RFTN1: variants seen among roughly 807,000 people sequenced by gnomAD.
RFTN1 encodes raftlin.
In RFTN1, 26 loss-of-function variants were observed where a neutral mutation model predicts 46.5. The observed-to-expected ratio is 0.56, with a 90% confidence interval of 0.41 to 0.78. RFTN1 has a LOEUF of 0.78. Ranked by LOEUF, RFTN1 falls within the 30% of genes least tolerant of loss-of-function variation. The probability of loss-of-function intolerance (pLI) is 0.00; values close to 1 mark genes in which losing one functional copy is unlikely to be tolerated. For missense variants in RFTN1, 693 were observed against 718.7 expected, an observed-to-expected ratio of 0.96 and a Z score of 0.41; for synonymous variants, 261 against 284.2, an observed-to-expected ratio of 0.92 and a Z score of 0.82.
Position 16,370,306 on chromosome 3 carries a change from GAGAGA to G in RFTN1, c.827-32_827-28del. On this transcript the variant is annotated intron_variant, in intron 5 of 9. Transcript: ENST00000334133. This position sits in a 1 kb window ranked among gnomAD's most constrained non-coding sequence, Gnocchi z 5.5. Reference sequence around the variant, plus strand: ...TGTTGGGATTTGTAAAGGGAGTGGAGAGAGAAGAGGTCAACTGATGATAAAAATCT... The same window carrying G: ...TGTTGGGATTTGTAAAGGGAGTGGAGAGAGGTCAACTGATGATAAAAATCT... 6.2e-7 allele frequency: 1 copy of G among 1,604,734 alleles called. No individual in the cohort carries two copies. Among genetic ancestry groups the G allele is most frequent in the Non-Finnish European group, 8.5e-7 (1 of 1,171,456 alleles).
At chr3:16,445,336 G>A (rs2075706058) in intron 2 of RFTN1, among the ~76,000 whole-genome samples, 1 of 152,016 alleles carries the variant, frequency 6.6e-6, no homozygotes, top group African/African-American at 2.4e-5. Context: ...GAGATATAGG[G>A]AGGCTTTCTT....
chr3:16,378,555 CA>C (rs1418103113), intron 4 of RFTN1, among the ~76,000 whole-genome samples: 9 of 152,164 alleles, frequency 5.9e-5, no homozygotes, highest in Non-Finnish European at 1.2e-4. Flanking sequence ...TAACCATATA[CA>C]AACAACAGAT....
At chr3:16,373,037 A>C (rs2073590757) in intron 5 of RFTN1, among the ~76,000 whole-genome samples, 1 of 152,204 alleles carries the variant, frequency 6.6e-6, no homozygotes, top group Non-Finnish European at 1.5e-5. Flanking sequence ...TTGATGTTTT[A>C]ATATTCTGAT....
At position 16,475,716 on chromosome 3, in the gene RFTN1, C is replaced by T. The variant is rs369899122; in HGVS notation, c.145+18009G>A. On this transcript the variant is annotated intron_variant, in intron 2 of 9. Transcript: ENST00000334133. This position sits in a 1 kb window ranked among gnomAD's most constrained non-coding sequence, Gnocchi z 4.2. ...GAGAGAATCACTGAGGATTGAGATC[C>T]CTAGGTTATTCCACCGGGTAATAAA... Among the ~76,000 whole-genome samples, 14 of 152,218 alleles carry T rather than the reference C, an allele frequency of 9.2e-5. No individual in the cohort carries two copies. Among genetic ancestry groups the T allele is most frequent in the African/African-American group, 3.1e-4 (13 of 41,534 alleles).
Position 16,353,246 on chromosome 3 carries a change from G to A in RFTN1, c.1146+4686C>T, listed in dbSNP as rs191330895. 3.3e-5 allele frequency among the ~76,000 whole-genome samples: 5 copies of A among 152,322 alleles called. No individual in the cohort carries two copies. The highest frequency in any genetic ancestry group is 7.2e-5 in the African/African-American group (3 of 41,576). On this transcript the variant is annotated intron_variant, in intron 7 of 9. Coordinates refer to ENST00000334133, the MANE Select transcript of RFTN1 (RefSeq NM_015150.2). This position sits in a 1 kb window ranked among gnomAD's most constrained non-coding sequence, Gnocchi z 5.4. The stretch of plus-strand genomic sequence containing the variant: ...GAAAAATCTTTCCCAGAGGCCAAAA[G>A]GGTGGGGAAAAGAAGTAGCTGGGTC...
intron 2 of RFTN1, among the ~76,000 whole-genome samples, chr3:16,487,277 G>A (rs2076462767): frequency 6.6e-6 from 1 of 152,160 alleles, no homozygotes; most frequent in East Asian, 1.9e-4. Context: ...AAATATCTGT[G>A]GAATCAATGA....
At chr3:16,396,832 G>A (rs2074479992) in intron 4 of RFTN1, among the ~76,000 whole-genome samples, 1 of 152,206 alleles carries the variant, frequency 6.6e-6, no homozygotes, top group Admixed American at 6.5e-5. Flanking sequence ...GGAAGCTGAG[G>A]TGGGCGGATC....
rs1437083166 is a variant in RFTN1, at chr3:16,499,475, G to A, written c.-8-5598C>T. 2.0e-5 allele frequency among the ~76,000 whole-genome samples: 3 copies of A among 152,238 alleles called. No homozygotes were observed. Among genetic ancestry groups the A allele is most frequent in the African/African-American group, 7.2e-5 (3 of 41,462 alleles). On this transcript the variant is annotated intron_variant, in intron 1 of 9. Transcript: ENST00000334133. This position sits in a 1 kb window ranked among gnomAD's most constrained non-coding sequence, Gnocchi z 4.9. The stretch of plus-strand genomic sequence containing the variant: ...CCATGTGGAGAGGAACCGACAGCCA[G>A]GACCAACTTGCTGGCCATCTTGCCA...
At chr3:16,401,285 C>A (rs916429344) in intron 4 of RFTN1, among the ~76,000 whole-genome samples, 2 of 150,210 alleles carry the variant, frequency 1.3e-5, no homozygotes, top group East Asian at 1.9e-4. Context: ...TATTGTGCCA[C>A]TGTACTCCAG....
At chr3:16,455,506 A>G (rs1201317924) in intron 2 of RFTN1, among the ~76,000 whole-genome samples, 2 of 152,116 alleles carry the variant, frequency 1.3e-5, no homozygotes, top group African/African-American at 2.4e-5. Flanking sequence ...AGATGAAAAC[A>G]CTCAAGCCAG....
In RFTN1 at chr3:16,353,998, CTG is replaced by C. The variant is rs1432116097; in HGVS notation, c.1146+3932_1146+3933del. Among the ~76,000 whole-genome samples the C allele has an allele frequency of 1.3e-5, 2 of 152,218 alleles. No individual in the cohort carries two copies. The highest frequency in any genetic ancestry group is 6.5e-5 in the Admixed American group (1 of 15,286). Reference sequence around the variant, plus strand: ...GGAAATAGGGGTAGAGCCTGGATAGCTGTGTTTTAAAAAGTTCTCCAGGTGAT... The same window carrying C: ...GGAAATAGGGGTAGAGCCTGGATAGCTGTTTTAAAAAGTTCTCCAGGTGAT... On this transcript the variant is annotated intron_variant, in intron 7 of 9. Coordinates refer to ENST00000334133, the MANE Select transcript of RFTN1 (RefSeq NM_015150.2). The surrounding 1 kb of genome is among the most constrained non-coding windows in gnomAD (Gnocchi z 5.4).
chr3:16,506,951 A>T lies in RFTN1; in HGVS notation c.-9+6491T>A. On this transcript the variant is annotated intron_variant, in intron 1 of 9. Transcript: ENST00000334133. The surrounding 1 kb of genome is among the most constrained non-coding windows in gnomAD (Gnocchi z 4.8). Reference sequence around the variant, plus strand: ...TGGAATATTCCATCTGTGGCTCTCAAATTCACTTTCTTAACAGTACAGCAC... The same window carrying T: ...TGGAATATTCCATCTGTGGCTCTCATATTCACTTTCTTAACAGTACAGCAC... Among the ~76,000 whole-genome samples, 1 of 152,160 alleles carries T rather than the reference A, an allele frequency of 6.6e-6. No homozygotes were observed. The highest frequency in any genetic ancestry group is 1.5e-5 in the Non-Finnish European group (1 of 68,016).
At chr3:16,505,082 T>C (rs1318432010) in intron 1 of RFTN1, among the ~76,000 whole-genome samples, 1 of 152,180 alleles carries the variant, frequency 6.6e-6, no homozygotes, top group Non-Finnish European at 1.5e-5. Flanking sequence ...TACCAACGCT[T>C]TCCTGGAATC....
At chr3:16,490,877 C>T (rs1273506712) in intron 2 of RFTN1, among the ~76,000 whole-genome samples, 1 of 152,132 alleles carries the variant, frequency 6.6e-6, no homozygotes, top group Non-Finnish European at 1.5e-5. Context: ...TGTTAAGTCG[C>T]ATAAAAGCAG....
chr3:16,352,637 G>T lies in RFTN1; in HGVS notation c.1146+5295C>A, dbSNP rs1001641926. On this transcript the variant is annotated intron_variant, in intron 7 of 9. Transcript: ENST00000334133. This position sits in a 1 kb window ranked among gnomAD's most constrained non-coding sequence, Gnocchi z 4.6. ...CTTTTAGCATAAAACGAAGGCAATG[G>T]GGGGAGGATCTGTCTCACTGATGAT... Among the ~76,000 whole-genome samples, 7 of 152,324 alleles carry T rather than the reference G, an allele frequency of 4.6e-5. No homozygotes were observed. The highest frequency in any genetic ancestry group is 2.1e-4 in the South Asian group (1 of 4,826).
At chr3:16,366,224 C>T (rs1037928358) in intron 6 of RFTN1, among the ~76,000 whole-genome samples, 4 of 146,136 alleles carry the variant, frequency 2.7e-5, no homozygotes, top group African/African-American at 9.8e-5. Context: ...TCTGTAGGCC[C>T]AGAGGCCTTC....
rs1250299078 is a variant in RFTN1, at chr3:16,376,213, C to G, written c.826+1505G>C. 1.3e-5 allele frequency among the ~76,000 whole-genome samples: 2 copies of G among 152,174 alleles called. No homozygotes were observed. Among genetic ancestry groups the G allele is most frequent in the Non-Finnish European group, 2.9e-5 (2 of 68,034 alleles). On this transcript the variant is annotated intron_variant, in intron 5 of 9. Transcript: ENST00000334133. The surrounding 1 kb of genome is among the most constrained non-coding windows in gnomAD (Gnocchi z 4.7). Reference sequence around the variant, plus strand: ...ATAATAGCAGCTCATACTCATGAGTCAAACAGTGCCGAGTGCTTTAAATGT... The same window carrying G: ...ATAATAGCAGCTCATACTCATGAGTGAAACAGTGCCGAGTGCTTTAAATGT...
At chr3:16,333,358 C>T (rs1575016512) in intron 7 of RFTN1, among the ~76,000 whole-genome samples, 1 of 152,180 alleles carries the variant, frequency 6.6e-6, no homozygotes, top group Non-Finnish European at 1.5e-5. Flanking sequence ...CTGTTCTGCA[C>T]ATGTTTGCAA....
rs1009847462 is a variant in RFTN1 at position 16,348,547 on chromosome 3, C to T, written c.1146+9385G>A. Among the ~76,000 whole-genome samples, 3 of 152,082 alleles carry T rather than the reference C, an allele frequency of 2.0e-5. No individual in the cohort carries two copies. Among genetic ancestry groups the T allele is most frequent in the Non-Finnish European group, 4.4e-5 (3 of 67,992 alleles). ...TCAGTCTCTGCTCTCTCCCAGGGCA[C>T]TTCTGGTCAGCAGGGCACAATTAGC... On this transcript the variant is annotated intron_variant, in intron 7 of 9. Coordinates refer to ENST00000334133, the MANE Select transcript of RFTN1 (RefSeq NM_015150.2). This position sits in a 1 kb window ranked among gnomAD's most constrained non-coding sequence, Gnocchi z 6.3.
Sources: allele counts gnomAD v4.1 joint callset (sites outside exome capture counted in the v4.1 genomes callset), GRCh38; gene constraint gnomAD v4.1.1; non-coding constraint Gnocchi (gnomAD v3.1); transcripts MANE v1.5; gene names NCBI Gene and HGNC (gene_info 2026-07-23, HGNC 2026-07-21).